Variants in SLC9B2 observed in about 807,000 individuals in gnomAD.
The protein encoded by SLC9B2 is sodium/hydrogen exchanger 9B2.
In SLC9B2, 39 loss-of-function variants were observed where a neutral mutation model predicts 52.2. That is an observed-to-expected ratio of 0.75 (90% CI 0.58 to 0.98). The LOEUF (loss-of-function observed/expected upper bound fraction) is 0.98. SLC9B2 is among the 50% of genes least tolerant of loss of function. SLC9B2 has a pLI of 0.00. For missense variants in SLC9B2, 626 were observed against 637.5 expected (o/e 0.98, Z 0.19); for synonymous variants, 214 against 227.0 (o/e 0.94, Z 0.51).
chr4:103,070,174 T>A (rs998106452), intron 1 of SLC9B2, among the ~76,000 whole-genome samples: 5 of 152,234 alleles, frequency 3.3e-5, no homozygotes, highest in Admixed American at 6.5e-5. Flanking sequence ...TCTGCTGTGT[T>A]TCCATTTCTA....
intron 10 of SLC9B2, among the ~76,000 whole-genome samples, chr4:103,030,768 T>A (rs904169619): frequency 2.6e-5 from 4 of 152,138 alleles, no homozygotes; most frequent in Admixed American, 6.6e-5. Context: ...TTAAGTATAT[T>A]CACACTATTA....
chr4:103,029,722 A>G (rs1578438659), intron 10 of SLC9B2, among the ~76,000 whole-genome samples: 1 of 152,276 alleles, frequency 6.6e-6, no homozygotes, highest in East Asian at 1.9e-4. Flanking sequence ...GTGACTCCTG[A>G]GTATTAGGGT....
chr4:103,030,885 C>CT (rs1339381637), intron 10 of SLC9B2, among the ~76,000 whole-genome samples: 1 of 152,096 alleles, frequency 6.6e-6, no homozygotes, highest in Non-Finnish European at 1.5e-5. Flanking sequence ...ATTTATGAGT[C>CT]TGACTACTCT....
Position 103,023,550 on chromosome 4 carries a change from C to T in SLC9B2, c.*2820G>A, listed in dbSNP as rs1225448527. 6.6e-6 allele frequency among the ~76,000 whole-genome samples: 1 copy of T among 152,144 alleles called. No homozygotes were observed. Among genetic ancestry groups the T allele is most frequent in the Non-Finnish European group, 1.5e-5 (1 of 68,018 alleles). On this transcript the variant is annotated 3_prime_UTR_variant, in exon 12 of 12. Coordinates refer to ENST00000394785, the MANE Select transcript of SLC9B2 (RefSeq NM_178833.7). ...TCAGCCTCTGTCATTCTTGACCTCA[C>T]CATCTCCATGATATATAACAGCAAC...
At chr4:103,056,694 A>G (rs1370248632) in intron 4 of SLC9B2, among the ~76,000 whole-genome samples, 3 of 152,246 alleles carry the variant, frequency 2.0e-5, no homozygotes, top group Non-Finnish European at 2.9e-5. Context: ...CAAATATACA[A>G]CCATCTTCAC....
At position 103,076,283 on chromosome 4, in the gene SLC9B2, G is replaced by A. The variant is rs1747145874; in HGVS notation, c.-142C>T. ...CCCGGTCTAGCCACCGCGCTCTGGG[G>A]TTCCCGATTCGCGCATCTTCCCAGG... On this transcript the variant is annotated 5_prime_UTR_variant, in exon 1 of 12. Coordinates refer to ENST00000394785, the MANE Select transcript of SLC9B2 (RefSeq NM_178833.7). 1 of 152,462 alleles carries A rather than the reference G, an allele frequency of 6.6e-6. No individual in the cohort carries two copies. Among genetic ancestry groups the A allele is most frequent in the South Asian group, 2.1e-4 (1 of 4,840 alleles). 9.4% of individuals were successfully genotyped at this position (152,462 alleles called of 1,614,324 possible).
intron 3 of SLC9B2, among the ~76,000 whole-genome samples, chr4:103,062,249 C>T (rs781748335): frequency 2.6e-5 from 4 of 151,942 alleles, no homozygotes; most frequent in African/African-American, 7.3e-5. Flanking sequence ...GGTGAAACCC[C>T]GTCTCTACTA....
At chr4:103,065,576 T>C (rs1429151264) in intron 3 of SLC9B2, 1 of 152,188 alleles carries the variant, frequency 6.6e-6, no homozygotes, top group Non-Finnish European at 1.5e-5. Context: ...CTAATTTGCC[T>C]TTATAGATAA....
intron 3 of SLC9B2, among the ~76,000 whole-genome samples, chr4:103,063,078 T>TA (rs1745813195): frequency 6.6e-6 from 1 of 152,240 alleles, no homozygotes; most frequent in Non-Finnish European, 1.5e-5. Flanking sequence ...TATACATTTT[T>TA]AAAAAATGTG....
At position 103,026,487 on chromosome 4, in the gene SLC9B2, G is replaced by A. The variant is rs1742224158; in HGVS notation, c.1497C>T (p.Leu499=). The A allele has an allele frequency of 6.2e-7, 1 of 1,613,832 alleles. No individual in the cohort carries two copies. The highest frequency in any genetic ancestry group is 8.5e-7 in the Non-Finnish European group (1 of 1,179,910). The change falls in exon 12 of 12, where the codon CTC becomes CTT. Residue 499 remains leucine (L), a synonymous_variant. Coordinates refer to ENST00000394785, the MANE Select transcript of SLC9B2 (RefSeq NM_178833.7). ...DVLTVAFLSI[L]ITAPIGSLLI... ...GCAGACTTCCAATTGGGGCTGTGAT[G>A]AGGATGGACAAAAATGCCACTGTCA... is the stretch of plus-strand genomic sequence containing the variant.
Position 103,053,892 on chromosome 4 carries a change from A to G in SLC9B2, c.443-3510T>C, listed in dbSNP as rs1035735080. Among the ~76,000 whole-genome samples, 3 of 151,950 alleles carry G rather than the reference A, an allele frequency of 2.0e-5. No homozygotes were observed. In the East Asian group the frequency reaches 5.8e-4, roughly 29 times the overall value. On this transcript the variant is annotated intron_variant, in intron 4 of 11. Coordinates refer to ENST00000394785, the MANE Select transcript of SLC9B2 (RefSeq NM_178833.7). ...CTAATTTTTTGTATTTTTAGTAGAG[A>G]CGGGGTTTCATCATGTTGGGCAGGA...
rs1264806092 is a variant in SLC9B2 at position 103,072,057 on chromosome 4, T to G, written c.-43+4127A>C. On this transcript the variant is annotated intron_variant, in intron 1 of 11. Transcript: ENST00000394785. ...AAAATTTTCAAGTTTGGCTTTCATG[T>G]TTTTTTTTTTTTTTTTTTTGAGGTG... is the stretch of plus-strand genomic sequence containing the variant. 9.0e-5 allele frequency among the ~76,000 whole-genome samples: 7 copies of G among 77,474 alleles called. 1 individual carries two copies. The East Asian group carries it at 1.7e-3, about 19-fold the overall frequency. The allele number at this position is 77,474 out of a possible 152,430, so 50.8% of individuals were successfully genotyped here. A position where few individuals can be genotyped will look rare whatever the true frequency, so the allele number is the denominator to read the frequency against.
rs923729808 is a variant in SLC9B2, at chr4:103,043,331, C to G, written c.1111G>C (p.Ala371Pro). Reference protein sequence around the residue: ...GSGGLCTLVMAFLAGMGWTSE... With the variant: ...GSGGLCTLVMPFLAGMGWTSE... ...GTCCATCCCATGCCTGCAAGGAAAG[C>G]CATGACCAACGTGCACAGTCCTCCT... is the stretch of plus-strand genomic sequence containing the variant. Residue 371 changes from alanine (A) to proline (P), a missense_variant, in exon 9 of 12, where the codon GCT becomes CCT. By Grantham distance (27) the Ala-to-Pro change is conservative. Transcript: ENST00000394785. 6.2e-6 allele frequency: 10 copies of G among 1,612,442 alleles called. No individual in the cohort carries two copies. In the African/African-American group the frequency reaches 1.3e-4, roughly 22 times the overall value.
chr4:103,019,130 G>A (rs1741594878), downstream of SLC9B2, among the ~76,000 whole-genome samples: 1 of 152,068 alleles, frequency 6.6e-6, no homozygotes, highest in Non-Finnish European at 1.5e-5. Flanking sequence ...GCCAAGAGGA[G>A]TAAACAGGAT....
rs147086619 is a variant in SLC9B2 at position 103,053,058 on chromosome 4, T to G, written c.443-2676A>C. On this transcript the variant is annotated intron_variant, in intron 4 of 11. Transcript: ENST00000394785. ...GTGTTGTTCTCTTAAAATTTTGTATTATGAAAATTATCAACACATGGCTAA... is the reference window on the plus strand; with the variant it reads ...GTGTTGTTCTCTTAAAATTTTGTATGATGAAAATTATCAACACATGGCTAA... 1.3e-3 allele frequency among the ~76,000 whole-genome samples: 203 copies of G among 152,280 alleles called. 2 individuals are homozygous for G. The highest frequency in any genetic ancestry group is 4.8e-3 in the African/African-American group (200 of 41,546).
At position 103,043,359 on chromosome 4, in the gene SLC9B2, T is replaced by C. The variant is rs747441564; in HGVS notation, c.1083A>G (p.Gly361=). Residue 361 remains glycine, a synonymous_variant, in exon 9 of 12, where the codon GGA becomes GGG. Coordinates refer to ENST00000394785, the MANE Select transcript of SLC9B2 (RefSeq NM_178833.7). ...VFSSVHFGFP[G]SGGLCTLVMA... is the part of the protein sequence containing the mutation. ...TGACCAACGTGCACAGTCCTCCTGA[T>C]CCAGGGAAACCAAAATGCACACTGC... 11 of 1,613,760 alleles carry C rather than the reference T, an allele frequency of 6.8e-6. No individual in the cohort carries two copies. In the Admixed American group the frequency reaches 1.8e-4, roughly 27 times the overall value.
intron 1 of SLC9B2, among the ~76,000 whole-genome samples, chr4:103,071,861 A>C (rs1409476028): frequency 6.6e-6 from 1 of 152,118 alleles, no homozygotes; most frequent in East Asian, 1.9e-4. Context: ...AAAGCTTTAG[A>C]GAAAAGAAAA....
In SLC9B2 at chr4:103,067,604, G is replaced by A. The variant is rs1173495832; in HGVS notation, c.-42-12C>T. On this transcript the variant is annotated splice_polypyrimidine_tract_variant and intron_variant, in intron 1 of 11. Coordinates refer to ENST00000394785, the MANE Select transcript of SLC9B2 (RefSeq NM_178833.7). Reference sequence around the variant, plus strand: ...AAGAGGAACGAGATCTGTTTTGAAAGAGTATAGATATAGAGCAGTAATTTG... The same window carrying A: ...AAGAGGAACGAGATCTGTTTTGAAAAAGTATAGATATAGAGCAGTAATTTG... The A allele has an allele frequency of 3.0e-6, 4 of 1,348,620 alleles. No homozygotes were observed. Among genetic ancestry groups the A allele is most frequent in the Admixed American group, 1.7e-5 (1 of 59,248 alleles). 83.5% of individuals were successfully genotyped at this position (1,348,620 alleles called of 1,614,324 possible).
At chr4:103,029,890 C>G (rs1742547322) in intron 10 of SLC9B2, among the ~76,000 whole-genome samples, 1 of 152,102 alleles carries the variant, frequency 6.6e-6, no homozygotes, top group East Asian at 1.9e-4. Flanking sequence ...GTAGTTTTCT[C>G]AAATTCAAAG....
Sources: allele counts gnomAD v4.1 joint callset (sites outside exome capture counted in the v4.1 genomes callset), GRCh38; gene constraint gnomAD v4.1.1; transcripts MANE v1.5; gene names NCBI Gene and HGNC (gene_info 2026-07-23, HGNC 2026-07-21).